The following TACR3 variants were observed in gnomAD, a reference collection of about 807,000 sequenced individuals.
TACR3 encodes tachykinin receptor 3, also known as neuromedin-K receptor.
Under a neutral mutation model 35.0 loss-of-function variants are expected in TACR3, and 34 were observed. The observed-to-expected ratio is 0.97, with a 90% CI of 0.74 to 1.30. The LOEUF is 1.30. Ranked by LOEUF, TACR3 falls within the 50% of genes most tolerant of loss-of-function variation. TACR3 has a pLI of 0.00. For missense variants in TACR3, 558 were observed against 591.7 expected (o/e 0.94, Z 0.59); for synonymous variants, 233 against 221.1 (o/e 1.05, Z -0.48).
intron 1 of TACR3, among the ~76,000 whole-genome samples, chr4:103,665,846 C>T (rs1010099178): frequency 7.9e-5 from 12 of 152,166 alleles, no homozygotes; most frequent in African/African-American, 2.2e-4. Context: ...AAAAAATATA[C>T]GTATGATTTC....
chr4:103,700,695 C>T (rs1722629941), intron 1 of TACR3, among the ~76,000 whole-genome samples: 1 of 151,942 alleles, frequency 6.6e-6, no homozygotes, highest in Non-Finnish European at 1.5e-5. Context: ...TAAAATGTTG[C>T]TGTACCAAGA....
chr4:103,674,968 AGAAT>A (rs1409481279), intron 1 of TACR3, among the ~76,000 whole-genome samples: 1 of 152,242 alleles, frequency 6.6e-6, no homozygotes, highest in Admixed American at 6.5e-5. Context: ...ATCCTCCTAA[AGAAT>A]GAATGGCTTC....
intron 3 of TACR3, among the ~76,000 whole-genome samples, chr4:103,639,376 G>A (rs1319357879): frequency 6.6e-6 from 1 of 152,016 alleles, no homozygotes; most frequent in Non-Finnish European, 1.5e-5. Context: ...TCACTCATAG[G>A]TGGGAGTTGA....
chr4:103,718,987 T>C, intron 1 of TACR3, 141 bp downstream of exon 1: 3 of 1,168,980 alleles, frequency 2.6e-6, no homozygotes, highest in Non-Finnish European at 3.7e-6. Flanking sequence ...AATGGGTTAG[T>C]GTCCTCCTTT....
rs377722981 is a variant in TACR3, at chr4:103,705,625, C to G, written c.548+13503G>C. On this transcript the variant is annotated intron_variant, in intron 1 of 4. Coordinates refer to ENST00000304883, the MANE Select transcript of TACR3 (RefSeq NM_001059.3). Reference sequence around the variant, plus strand: ...GCTATGGGAATCTATAAGGAAACAGCTAATTTATATTGGGAGCATCATGGA... The same window carrying G: ...GCTATGGGAATCTATAAGGAAACAGGTAATTTATATTGGGAGCATCATGGA... 3.3e-5 allele frequency among the ~76,000 whole-genome samples: 5 copies of G among 152,168 alleles called. No individual in the cohort carries two copies. The East Asian group carries it at 7.7e-4, about 24-fold the overall frequency.
intron 1 of TACR3, among the ~76,000 whole-genome samples, chr4:103,680,549 A>G (rs1227551474): frequency 1.4e-5 from 2 of 148,118 alleles, no homozygotes; most frequent in African/African-American, 4.9e-5. Context: ...ATATATACAC[A>G]TATATATATC....
intron 3 of TACR3, among the ~76,000 whole-genome samples, chr4:103,594,935 C>T (rs1723974778): frequency 6.6e-6 from 1 of 152,160 alleles, no homozygotes; most frequent in Admixed American, 6.6e-5. Flanking sequence ...CCTTGGCACT[C>T]TGCTTACAAA....
At chr4:103,678,426 T>C (rs1197636781) in intron 1 of TACR3, among the ~76,000 whole-genome samples, 1 of 152,170 alleles carries the variant, frequency 6.6e-6, no homozygotes, top group Non-Finnish European at 1.5e-5. Flanking sequence ...AAGTATTAGA[T>C]AACTTCAAAA....
chr4:103,718,084 A>G (rs1477016694), intron 1 of TACR3, among the ~76,000 whole-genome samples: 2 of 152,170 alleles, frequency 1.3e-5, no homozygotes, highest in East Asian at 1.9e-4. Context: ...AACACAGAGG[A>G]TGAACTTACA....
At chr4:103,618,701 A>G (rs1001620073) in intron 3 of TACR3, among the ~76,000 whole-genome samples, 1 of 94,802 alleles carries the variant, frequency 1.1e-5, no homozygotes, top group Non-Finnish European at 2.1e-5. Flanking sequence ...GACCATTTTT[A>G]CGATATTGAA....
At chr4:103,704,345 T>C (rs1299035630) in intron 1 of TACR3, among the ~76,000 whole-genome samples, 1 of 152,124 alleles carries the variant, frequency 6.6e-6, no homozygotes. Flanking sequence ...ATGGTCATAC[T>C]CTTTATGGAA....
rs2110281881 is a variant in TACR3 at position 103,589,538 on chromosome 4, A to G, written c.*144T>C. ...AGTGTCTTTGTCACATTTATACACT[A>G]CCTTTCTCAATTTGACCATAGCTGC... On this transcript the variant is annotated 3_prime_UTR_variant, in exon 5 of 5. Coordinates refer to ENST00000304883, the MANE Select transcript of TACR3 (RefSeq NM_001059.3). 1.2e-6 allele frequency: 1 copy of G among 815,714 alleles called. No individual in the cohort carries two copies. Among genetic ancestry groups the G allele is most frequent in the South Asian group, 1.6e-5 (1 of 62,290 alleles). The allele number at this position is 815,714 out of a possible 1,614,324, so 50.5% of individuals were successfully genotyped here.
chr4:103,682,922 G>A lies in TACR3; in HGVS notation c.549-24519C>T, dbSNP rs145940283. Among the ~76,000 whole-genome samples, 355 of 152,218 alleles carry A rather than the reference G, an allele frequency of 2.3e-3. 6 individuals are homozygous for A. Among genetic ancestry groups the A allele is most frequent in the Admixed American group, 0.015 (224 of 15,258 alleles). On this transcript the variant is annotated intron_variant, in intron 1 of 4. Transcript: ENST00000304883. ...AGAAAGAGAAAATCTAGAGCTAACC[G>A]ATAGTGAGATGGAACTTTAGATAAC...
At chr4:103,622,655 G>A (rs1281783444) in intron 3 of TACR3, among the ~76,000 whole-genome samples, 1 of 152,172 alleles carries the variant, frequency 6.6e-6, no homozygotes, top group Non-Finnish European at 1.5e-5. Flanking sequence ...CGTGAACCCG[G>A]GAAGCGGAGC....
chr4:103,624,059 T>C (rs966716577), intron 3 of TACR3, among the ~76,000 whole-genome samples: 3 of 152,204 alleles, frequency 2.0e-5, no homozygotes, highest in Admixed American at 2.0e-4. Flanking sequence ...AATTATTTCA[T>C]ACTTGATTGT....
At chr4:103,702,772 A>ACCATC (rs2086939416) in intron 1 of TACR3, among the ~76,000 whole-genome samples, 1 of 151,906 alleles carries the variant, frequency 6.6e-6, no homozygotes, top group African/African-American at 2.4e-5. Flanking sequence ...GAAGCTGGAA[A>ACCATC]CCATCATTCT....
At chr4:103,698,450 G>C (rs529617506) in intron 1 of TACR3, among the ~76,000 whole-genome samples, 2 of 151,976 alleles carry the variant, frequency 1.3e-5, no homozygotes, top group African/African-American at 4.8e-5. Context: ...TAATTTGAAG[G>C]TGATCATTAT....
At chr4:103,690,871 T>G (rs1722387898) in intron 1 of TACR3, among the ~76,000 whole-genome samples, 1 of 152,192 alleles carries the variant, frequency 6.6e-6, no homozygotes, top group Non-Finnish European at 1.5e-5. Context: ...ATGTTGCACA[T>G]GATAGGTACA....
At chr4:103,618,782 T>A (rs1724715983) in intron 3 of TACR3, among the ~76,000 whole-genome samples, 1 of 152,094 alleles carries the variant, frequency 6.6e-6, no homozygotes, top group Admixed American at 6.5e-5. Flanking sequence ...CAGCAGTGTT[T>A]TGTAGTTCTC....
Sources: allele counts gnomAD v4.1 joint callset (sites outside exome capture counted in the v4.1 genomes callset), GRCh38; gene constraint gnomAD v4.1.1; transcripts MANE v1.5; gene names NCBI Gene and HGNC (gene_info 2026-07-23, HGNC 2026-07-21).